The following CDO1 variants were observed in gnomAD, a reference collection of about 807,000 sequenced individuals.
The protein encoded by CDO1 is cysteine dioxygenase type 1.
In CDO1, 19 loss-of-function variants were observed where a neutral mutation model predicts 24.5. That is an observed-to-expected ratio of 0.77 (90% CI 0.54 to 1.14). The LOEUF (loss-of-function observed/expected upper bound fraction) is 1.14, where lower values mean the gene tolerates loss of function less well. Among genes scored for constraint, CDO1 ranks in the 50% most tolerant of loss-of-function variants. CDO1 has a pLI of 0.00. For synonymous variants in CDO1, 91 were observed against 87.0 expected, an observed-to-expected ratio of 1.05 and a Z score of -0.26; for missense variants, 244 against 244.8, an observed-to-expected ratio of 1.00 and a Z score of 0.02.
intron 3 of CDO1, among the ~76,000 whole-genome samples, chr5:115,810,439 T>C (rs1760138113): frequency 1.3e-5 from 2 of 152,228 alleles, no homozygotes; most frequent in Admixed American, 1.3e-4. Flanking sequence ...TTCAATCAAA[T>C]TGCTTAGGTT....
At chr5:115,810,932 T>G (rs193287529) in intron 3 of CDO1, among the ~76,000 whole-genome samples, 1 of 152,352 alleles carries the variant, frequency 6.6e-6, no homozygotes, top group East Asian at 1.9e-4. Flanking sequence ...GGCAAGTAAA[T>G]GACTTTTCAG....
At chr5:115,812,184 G>C (rs1760218193) in intron 2 of CDO1, among the ~76,000 whole-genome samples, 1 of 152,098 alleles carries the variant, frequency 6.6e-6, no homozygotes, top group Non-Finnish European at 1.5e-5. Context: ...AGAATGAATG[G>C]AAACACTTCA....
At chr5:115,813,328 G>C (rs1240991840) in intron 1 of CDO1, 70 bp from the exon 2 acceptor site, 1 of 816,774 alleles carries the variant, frequency 1.2e-6, no homozygotes, top group African/African-American at 1.7e-5. Context: ...AAATAAGTGT[G>C]TCACCAAGTA....
chr5:115,816,220 G>A lies in CDO1; in HGVS notation c.170+8C>T, dbSNP rs201364503. On this transcript the variant is annotated splice_region_variant and intron_variant, in intron 1 of 4. Coordinates refer to ENST00000250535, the MANE Select transcript of CDO1 (RefSeq NM_001801.3). ...CGCCGCCTGGCATTGAAGCTGCAGC[G>A]CGCTCACCTGTACTGGTCGAACTTG... 1.3e-4 allele frequency: 205 copies of A among 1,611,318 alleles called. No homozygotes were observed. Among genetic ancestry groups the A allele is most frequent in the Non-Finnish European group, 1.7e-4 (197 of 1,178,460 alleles).
chr5:115,814,359 G>C (rs10478261), intron 1 of CDO1: 17,405 of 152,194 alleles, frequency 0.11, 3,169 homozygotes, highest in African/African-American at 0.38. Flanking sequence ...GATAATCTTT[G>C]TTGCTTCTCT....
At chr5:115,806,644 T>C (rs1759960288) in intron 3 of CDO1, 126 bp from the exon 4 acceptor site, 6 of 705,498 alleles carry the variant, frequency 8.5e-6, no homozygotes, top group Non-Finnish European at 1.4e-5. Context: ...TTAATTAGAA[T>C]TGAACTTGCA....
rs1167581758 is a variant in CDO1 at position 115,804,948 on chromosome 5, G to A, written c.*485C>T. ...CATAGAAAAGAAATTTGTAAGGTAA[G>A]ACTGAAAAAATAAAATCTACAGATT... On this transcript the variant is annotated 3_prime_UTR_variant, in exon 5 of 5. Transcript: ENST00000250535. 1 of 152,392 alleles carries A rather than the reference G, an allele frequency of 6.6e-6. No individual in the cohort carries two copies. Among genetic ancestry groups the A allele is most frequent in the Non-Finnish European group, 1.5e-5 (1 of 68,224 alleles). 9.4% of individuals were successfully genotyped at this position (152,392 alleles called of 1,614,324 possible).
chr5:115,808,490 C>G (rs1760046388), intron 3 of CDO1, among the ~76,000 whole-genome samples: 3 of 151,892 alleles, frequency 2.0e-5, no homozygotes, highest in South Asian at 2.1e-4. Context: ...GGAGCATATG[C>G]TCCACCAAAA....
intron 3 of CDO1, among the ~76,000 whole-genome samples, chr5:115,810,564 T>C (rs557891281): frequency 7.4e-4 from 113 of 152,346 alleles, no homozygotes; most frequent in African/African-American, 2.6e-3. Context: ...CTGTCTCATA[T>C]ACATTTTAAT....
rs1759893117 is a variant in CDO1 at position 115,805,321 on chromosome 5, A to C, written c.*112T>G. The stretch of plus-strand genomic sequence containing the variant: ...TTAGCATCTGCCTTACAGTAGATCT[A>C]AGTATTGGCTTATTTAAGTATATTA... On this transcript the variant is annotated 3_prime_UTR_variant, in exon 5 of 5. Coordinates refer to ENST00000250535, the MANE Select transcript of CDO1 (RefSeq NM_001801.3). The C allele has an allele frequency of 5.7e-6, 5 of 870,598 alleles. No individual in the cohort carries two copies. In the East Asian group the frequency reaches 1.2e-4, roughly 22 times the overall value. 53.9% of individuals were successfully genotyped at this position (870,598 alleles called of 1,614,324 possible). A position where few individuals can be genotyped will look rare whatever the true frequency, so the allele number is the denominator to read the frequency against.
At chr5:115,811,897 T>C (rs1249002741) in intron 2 of CDO1, among the ~76,000 whole-genome samples, 1 of 152,226 alleles carries the variant, frequency 6.6e-6, no homozygotes, top group Non-Finnish European at 1.5e-5. Flanking sequence ...TACAGTGCTC[T>C]ACCTGTGATT....
At chr5:115,807,809 T>A (rs1302543135) in intron 3 of CDO1, among the ~76,000 whole-genome samples, 3 of 151,984 alleles carry the variant, frequency 2.0e-5, no homozygotes, top group Admixed American at 1.3e-4. Context: ...TTCCCAGATT[T>A]AAAAACCCAC....
intron 3 of CDO1, among the ~76,000 whole-genome samples, chr5:115,807,645 A>G (rs1409829317): frequency 6.6e-6 from 1 of 152,090 alleles, no homozygotes. Context: ...TCAAAGAACA[A>G]AAGGACAAAG....
intron 3 of CDO1, among the ~76,000 whole-genome samples, chr5:115,809,089 T>C (rs1158155122): frequency 6.6e-6 from 1 of 152,212 alleles, no homozygotes; most frequent in Non-Finnish European, 1.5e-5. Flanking sequence ...GTTCATAATA[T>C]ACTGGCTAAA....
rs940574312 is a variant in CDO1 at position 115,805,555 on chromosome 5, T to C, written c.574-93A>G. ...ATAGTTCTGCTTTTGTAGCAGTGTA[T>C]GAAAACTCAGCAAGGGCAAGGGAGC... On this transcript the variant is annotated intron_variant, in intron 4 of 4. Transcript: ENST00000250535. The C allele has an allele frequency of 2.7e-5, 33 of 1,211,198 alleles. No homozygotes were observed. The South Asian group carries it at 3.2e-4, about 12-fold the overall frequency. 75.0% of individuals were successfully genotyped at this position (1,211,198 alleles called of 1,614,324 possible). A position where few individuals can be genotyped will look rare whatever the true frequency, so the allele number is the denominator to read the frequency against.
intron 3 of CDO1, among the ~76,000 whole-genome samples, chr5:115,809,877 A>G (rs1163489727): frequency 6.6e-6 from 1 of 152,158 alleles, no homozygotes; most frequent in Non-Finnish European, 1.5e-5. Context: ...CTGGGTGGCC[A>G]CTGCTGTCAC....
Position 115,806,418 on chromosome 5 carries a change from AT to A in CDO1, c.503del (p.Asp168ValfsTer12). 6.2e-7 allele frequency: 1 copy of A among 1,612,354 alleles called. No homozygotes were observed. The highest frequency in any genetic ancestry group is 8.5e-7 in the Non-Finnish European group (1 of 1,179,444). ...CTTTGTTTTTATGTCCTGTTCTTTG[AT>A]CAAAGGCATGGCATGTATCAAAAGG... The part of the protein sequence containing the change: ...SPPFDTCHAF[D>X]QRTGHKNKVT... On this transcript the variant is annotated frameshift_variant, in exon 4 of 5. Transcript: ENST00000250535. LOFTEE classifies it high-confidence loss of function.
intron 1 of CDO1, 102 bp downstream of exon 1, chr5:115,816,126 G>A (rs539693115): frequency 5.1e-6 from 5 of 980,096 alleles, no homozygotes; most frequent in South Asian, 1.6e-5. Context: ...AGCGCGGCCC[G>A]AGCTTCCCGA....
intron 3 of CDO1, among the ~76,000 whole-genome samples, chr5:115,807,679 A>G (rs1401670974): frequency 1.3e-5 from 2 of 149,162 alleles, no homozygotes; most frequent in African/African-American, 4.9e-5. Context: ...AAGAAAGAGA[A>G]AAAAAAAAAA....
Sources: gnomAD v4.1 joint callset for allele counts (sites outside exome capture counted in the v4.1 genomes callset) on GRCh38, gnomAD v4.1.1 for gene constraint, MANE v1.5 for transcripts, NCBI Gene and HGNC (gene_info 2026-07-23, HGNC 2026-07-21) for gene names.